The following PIWIL1 variants were observed in gnomAD, a reference collection of about 807,000 sequenced individuals.
PIWIL1 encodes piwi like RNA-mediated gene silencing 1, also known as piwi-like protein 1.
A neutral mutation model predicts 114.4 loss-of-function variants in PIWIL1; 73 were observed. That is an observed-to-expected ratio of 0.64 (90% CI 0.53 to 0.78). The LOEUF (loss-of-function observed/expected upper bound fraction) is 0.78, where lower values mean the gene tolerates loss of function less well. Ranked by LOEUF, PIWIL1 falls within the 30% of genes least tolerant of loss-of-function variation. PIWIL1 has a pLI of 0.00. For synonymous variants in PIWIL1, 375 were observed against 369.0 expected (o/e 1.02, Z -0.19); for missense variants, 723 against 1,063.1 (o/e 0.68, Z 4.45).
chr12:130,345,930 C>G, intron 4 of PIWIL1, 52 bp downstream of exon 4: 1 of 1,589,082 alleles, frequency 6.3e-7, no homozygotes, highest in Non-Finnish European at 8.6e-7. Context: ...GAACACAGGA[C>G]AGTGAATTGA....
At chr12:130,414,018 C>G in the PIWIL1 span, 2 of 1,216,568 alleles carry the variant, frequency 1.6e-6, no homozygotes, top group Non-Finnish European at 2.4e-6. Context: ...CCATGGCCTG[C>G]AGGAGAAGGC....
At chr12:130,424,921 G>A in the PIWIL1 span, 22 of 995,024 alleles carry the variant, frequency 2.2e-5, no homozygotes, top group Non-Finnish European at 2.9e-5. The surrounding 1 kb of genome is among the most constrained non-coding windows in gnomAD (Gnocchi z 9.8). Flanking sequence ...TGAAGTGGGG[G>A]CCAGGGGAGG....
chr12:130,362,182 G>A (rs1250121284), intron 16 of PIWIL1, among the ~76,000 whole-genome samples: 1 of 152,170 alleles, frequency 6.6e-6, no homozygotes, highest in African/African-American at 2.4e-5. Flanking sequence ...CAGGTACTAA[G>A]CCTAGTACCC....
At chr12:130,351,192 A>C (rs1265181855) in intron 9 of PIWIL1, 3 of 152,200 alleles carry the variant, frequency 2.0e-5, no homozygotes, top group African/African-American at 7.2e-5. Flanking sequence ...AATATAAAGG[A>C]AACATTAGCT....
chr12:130,363,988 A>T (rs1487457400), intron 18 of PIWIL1, among the ~76,000 whole-genome samples: 1 of 152,094 alleles, frequency 6.6e-6, no homozygotes, highest in Non-Finnish European at 1.5e-5. Context: ...TTTTCCTTTG[A>T]AACCCATATT....
chr12:130,404,445 A>T, the PIWIL1 span, among the ~76,000 whole-genome samples: 2 of 152,118 alleles, frequency 1.3e-5, no homozygotes, highest in African/African-American at 4.8e-5. Flanking sequence ...TTACAGGCAC[A>T]TGCCACCACG....
intron 14 of PIWIL1, among the ~76,000 whole-genome samples, chr12:130,357,987 C>T (rs868799547): frequency 6.6e-6 from 1 of 152,242 alleles, no homozygotes; most frequent in South Asian, 2.1e-4. Flanking sequence ...CTGAGTGACA[C>T]TCAGCAGCTT....
Position 130,361,179 on chromosome 12 carries a change from G to A in PIWIL1, c.1666-1G>A. ...TTGTAACAAGGGCACTTTGTTTTCA[G>A]GTTGTCTGTCTGTTGTCAAGTAATC... On this transcript the variant is annotated splice_acceptor_variant, in intron 14 of 20. Coordinates refer to ENST00000245255, the MANE Select transcript of PIWIL1 (RefSeq NM_004764.5). LOFTEE classifies it high-confidence loss of function. The A allele has an allele frequency of 6.2e-7, 1 of 1,613,968 alleles. No individual in the cohort carries two copies. The highest frequency in any genetic ancestry group is 8.5e-7 in the Non-Finnish European group (1 of 1,179,938).
At chr12:130,421,468 A>G in the PIWIL1 span, among the ~76,000 whole-genome samples, 8,644 of 152,356 alleles carry the variant, frequency 0.057, 332 homozygotes, top group Middle Eastern at 0.16. Context: ...CTGGCAGGAC[A>G]CAATTTCAAA....
the PIWIL1 span, chr12:130,406,287 CAGT>C: frequency 7.6e-7 from 1 of 1,323,312 alleles, no homozygotes; most frequent in Non-Finnish European, 1.1e-6. Context: ...TTCTACACAA[CAGT>C]AGTAGTTTTT....
the PIWIL1 span, among the ~76,000 whole-genome samples, chr12:130,400,488 A>G: frequency 6.6e-6 from 1 of 152,152 alleles, no homozygotes; most frequent in Non-Finnish European, 1.5e-5. Flanking sequence ...CCTGCTGGTC[A>G]TCTGCACCAA....
chr12:130,422,580 C>A, the PIWIL1 span: 2 of 1,556,476 alleles, frequency 1.3e-6, no homozygotes, highest in Admixed American at 3.6e-5. This position sits in a 1 kb window ranked among gnomAD's most constrained non-coding sequence, Gnocchi z 5.2. Context: ...AAAACAACAA[C>A]AAAGTCGTAA....
At chr12:130,370,575 A>T (rs1242025483) in intron 19 of PIWIL1, among the ~76,000 whole-genome samples, 1 of 152,220 alleles carries the variant, frequency 6.6e-6, no homozygotes, top group Non-Finnish European at 1.5e-5. Context: ...CCTGGAACCA[A>T]TTCCCAATGG....
At chr12:130,425,756 G>A in the PIWIL1 span, 2 of 152,418 alleles carry the variant, frequency 1.3e-5, no homozygotes, top group East Asian at 3.8e-4. Flanking sequence ...TGACCGCCCA[G>A]GCAAAGCGTG....
rs1231060974 is a variant in PIWIL1 at position 130,371,482 on chromosome 12, G to A, written c.2470G>A (p.Gly824Ser). 3.1e-6 allele frequency: 5 copies of A among 1,613,476 alleles called. No individual in the cohort carries two copies. The highest frequency in any genetic ancestry group is 4.2e-6 in the Non-Finnish European group (5 of 1,179,612). ...GAACCTTTTTTTCCTTCCACTAAAG[G>A]GTGTCATTCGTGTTCCTGCTCCTTG... The part of the protein sequence containing the change: ...KLCHIYYNWP[G>S]VIRVPAPCQY... Residue 824 changes from glycine to serine, a missense_variant and splice_region_variant, in exon 21 of 21, where the codon GGT becomes AGT. By Grantham distance (56) the Gly-to-Ser change is moderately conservative (BLOSUM62 0). Coordinates refer to ENST00000245255, the MANE Select transcript of PIWIL1 (RefSeq NM_004764.5).
chr12:130,399,842 C>G, the PIWIL1 span: 1 of 1,612,416 alleles, frequency 6.2e-7, no homozygotes, highest in Admixed American at 1.7e-5. Flanking sequence ...GGCAGAAGAA[C>G]TATTTATTTT....
In PIWIL1 at chr12:130,352,744, A is replaced by G. The variant is rs1593099224; in HGVS notation, c.1045-1793A>G. Among the ~76,000 whole-genome samples, 15 of 152,302 alleles carry G rather than the reference A, an allele frequency of 9.8e-5. No individual in the cohort carries two copies. In the South Asian group the frequency reaches 2.7e-3, roughly 27 times the overall value. On this transcript the variant is annotated intron_variant, in intron 9 of 20. Transcript: ENST00000245255. ...ATATAAAAGTGGAGGGGGCGTAGCG[A>G]GTACAAGTTCTGTATCAGGAACCAT... is the stretch of plus-strand genomic sequence containing the variant.
chr12:130,424,254 G>C, the PIWIL1 span: 1 of 1,231,882 alleles, frequency 8.1e-7, no homozygotes. The surrounding 1 kb of genome is among the most constrained non-coding windows in gnomAD (Gnocchi z 9.8). Flanking sequence ...GTGCTCGGTG[G>C]GCTCGCCCCA....
In PIWIL1 at chr12:130,362,711, G is replaced by T. The variant is rs1048018138; in HGVS notation, c.1971-55G>T. The T allele has an allele frequency of 2.7e-6, 4 of 1,480,128 alleles. No homozygotes were observed. The African/African-American group carries it at 4.1e-5, about 15-fold the overall frequency. The allele number at this position is 1,480,128 out of a possible 1,614,324, so 91.7% of individuals were successfully genotyped here. ...AAATAAATATAGAATAATTCAGAAA[G>T]GAAAAATTGATAGACAATTGCATTC... On this transcript the variant is annotated intron_variant, in intron 16 of 20. Transcript: ENST00000245255.
Sources: gnomAD v4.1 joint callset for allele counts (sites outside exome capture counted in the v4.1 genomes callset) on GRCh38, gnomAD v4.1.1 for gene constraint, Gnocchi (gnomAD v3.1) non-coding constraint, MANE v1.5 for transcripts, NCBI Gene and HGNC (gene_info 2026-07-23, HGNC 2026-07-21) for gene names.